The following MAF variants were observed in gnomAD, a reference collection of about 807,000 sequenced individuals.
MAF encodes the protein MAF bZIP transcription factor, also known as transcription factor Maf.
A neutral mutation model predicts 22.0 loss-of-function variants in MAF; 10 were observed. That is an observed-to-expected ratio of 0.45 (90% CI 0.28 to 0.77). The LOEUF is 0.77. Ranked by LOEUF, MAF falls within the 30% of genes least tolerant of loss-of-function variation. MAF has a pLI of 0.12. For missense variants in MAF, 544 were observed against 548.4 expected, an observed-to-expected ratio of 0.99 and a Z score of 0.08; for synonymous variants, 337 against 255.8, an observed-to-expected ratio of 1.32 and a Z score of -3.03.
the MAF span, among the ~76,000 whole-genome samples, chr16:79,535,127 C>A: frequency 1.8e-5 from 1 of 55,082 alleles, no homozygotes; most frequent in Non-Finnish European, 6.8e-5. Flanking sequence ...AAAGGTGAAG[C>A]TCTCTAACGA....
At chr16:79,252,573 G>T in the MAF span, among the ~76,000 whole-genome samples, 1 of 151,784 alleles carries the variant, frequency 6.6e-6, no homozygotes, top group Non-Finnish European at 1.5e-5. Context: ...CACTGCAACC[G>T]CAACCTCCTG....
chr16:79,440,638 G>C, the MAF span, among the ~76,000 whole-genome samples: 1 of 152,126 alleles, frequency 6.6e-6, no homozygotes, highest in Non-Finnish European at 1.5e-5. Context: ...GTTTCACCAT[G>C]TTGACCTCGT....
At chr16:79,598,499 G>A in intron 1 of MAF, 1 of 1,326,552 alleles carries the variant, frequency 7.5e-7, no homozygotes, top group Non-Finnish European at 9.7e-7. Flanking sequence ...GAGAATTTCA[G>A]ATTGGCAATC....
the MAF span, among the ~76,000 whole-genome samples, chr16:79,247,675 G>C: frequency 1.3e-5 from 2 of 152,142 alleles, no homozygotes; most frequent in Non-Finnish European, 2.9e-5. Flanking sequence ...ATCCTCATTA[G>C]CTGCAGCCGG....
At chr16:79,466,709 G>A in the MAF span, among the ~76,000 whole-genome samples, 2 of 152,314 alleles carry the variant, frequency 1.3e-5, no homozygotes, top group South Asian at 2.1e-4. Context: ...AAGACTGTGT[G>A]TGTTGAATTA....
the MAF span, among the ~76,000 whole-genome samples, chr16:79,441,563 A>T: frequency 6.6e-6 from 1 of 152,244 alleles, no homozygotes; most frequent in African/African-American, 2.4e-5. Flanking sequence ...TAACATTTTT[A>T]CAGATCAAAA....
chr16:79,420,065 T>C, the MAF span, among the ~76,000 whole-genome samples: 2 of 151,922 alleles, frequency 1.3e-5, no homozygotes, highest in African/African-American at 4.8e-5. Context: ...CAAGTAAACA[T>C]ACTGCAAAAG....
the MAF span, among the ~76,000 whole-genome samples, chr16:79,475,437 T>C: frequency 0.16 from 24,321 of 151,546 alleles, 2,287 homozygotes; most frequent in East Asian, 0.44. Flanking sequence ...TCCAGGATCT[T>C]AAACGAACAA....
chr16:79,220,120 G>C, the MAF span, among the ~76,000 whole-genome samples: 2 of 151,980 alleles, frequency 1.3e-5, no homozygotes, highest in Non-Finnish European at 2.9e-5. Flanking sequence ...GCCGGGTGTG[G>C]TGGTGGGCAC....
chr16:79,566,118 T>G, the MAF span, among the ~76,000 whole-genome samples: 1 of 152,346 alleles, frequency 6.6e-6, no homozygotes, highest in East Asian at 1.9e-4. Flanking sequence ...AATTCTGATC[T>G]GCATCCAGAA....
the MAF span, among the ~76,000 whole-genome samples, chr16:79,231,593 C>G: frequency 6.6e-6 from 1 of 151,962 alleles, no homozygotes; most frequent in African/African-American, 2.4e-5. Context: ...ATTGTTCCAT[C>G]CCATCCCTTA....
chr16:79,471,101 T>G, the MAF span, among the ~76,000 whole-genome samples: 2 of 152,208 alleles, frequency 1.3e-5, no homozygotes, highest in African/African-American at 4.8e-5. Context: ...ACACATTTGC[T>G]GGACTTTCCT....
chr16:79,313,158 G>C, the MAF span, among the ~76,000 whole-genome samples: 1 of 152,132 alleles, frequency 6.6e-6, no homozygotes, highest in Non-Finnish European at 1.5e-5. Flanking sequence ...GCCATGTCTG[G>C]GAAGTGATCA....
At chr16:79,246,481 T>C in the MAF span, among the ~76,000 whole-genome samples, 1 of 145,302 alleles carries the variant, frequency 6.9e-6, no homozygotes, top group Non-Finnish European at 1.5e-5. Context: ...AAAATAACCC[T>C]GTAAAACAAA....
At chr16:79,352,210 G>A in the MAF span, among the ~76,000 whole-genome samples, 2 of 152,180 alleles carry the variant, frequency 1.3e-5, no homozygotes, top group Non-Finnish European at 2.9e-5. Context: ...AGCTTCAGGA[G>A]GGTTTAGGGC....
the MAF span, among the ~76,000 whole-genome samples, chr16:79,578,408 T>C: frequency 4.6e-5 from 7 of 152,212 alleles, no homozygotes; most frequent in South Asian, 2.1e-4. Flanking sequence ...GATATTTATA[T>C]TGATACTCAT....
chr16:79,356,106 C>G, the MAF span, among the ~76,000 whole-genome samples: 1 of 151,964 alleles, frequency 6.6e-6, no homozygotes, highest in Non-Finnish European at 1.5e-5. Flanking sequence ...CACGTGCATT[C>G]AAGCACGTAC....
At chr16:79,461,505 C>G in the MAF span, among the ~76,000 whole-genome samples, 7 of 152,140 alleles carry the variant, frequency 4.6e-5, no homozygotes, top group Admixed American at 1.3e-4. Flanking sequence ...AGGAAGCCCT[C>G]ACGCGCCAGG....
the MAF span, among the ~76,000 whole-genome samples, chr16:79,326,206 A>G: frequency 6.6e-6 from 1 of 152,204 alleles, no homozygotes; most frequent in Admixed American, 6.5e-5. Context: ...CCTTGTTTCC[A>G]GAATTTATGC....
Sources: gnomAD v4.1 joint callset for allele counts (sites outside exome capture counted in the v4.1 genomes callset) on GRCh38, gnomAD v4.1.1 for gene constraint, MANE v1.5 for transcripts, NCBI Gene and HGNC (gene_info 2026-07-23, HGNC 2026-07-21) for gene names.